Variants in PROS1 observed in about 807,000 individuals in gnomAD.
PROS1 encodes protein S.
Under a neutral mutation model 75.9 loss-of-function variants are expected in PROS1, and 29 were observed. That is an observed-to-expected ratio of 0.38 (90% CI 0.28 to 0.52). The LOEUF (loss-of-function observed/expected upper bound fraction) is 0.52, where lower values mean the gene tolerates loss of function less well. Ranked by LOEUF, PROS1 falls within the 20% of genes least tolerant of loss-of-function variation. The pLI, the probability that PROS1 is intolerant of heterozygous loss-of-function variation, is 0.83. For synonymous variants in PROS1, 245 were observed against 280.6 expected, an observed-to-expected ratio of 0.87 and a Z score of 1.27; for missense variants, 680 against 810.3, an observed-to-expected ratio of 0.84 and a Z score of 1.95.
chr3:93,886,425 G>A lies in PROS1; in HGVS notation c.1234C>T (p.Pro412Ser), dbSNP rs1347649942. ...AATCCATTTTCCGGCTTAAAAAGGG[G>A]TCCAGGTTTATTTATATCCATCACA... is the stretch of plus-strand genomic sequence containing the variant. ...EAVMDINKPGPLFKPENGLLE... is the reference protein window; with the variant it reads ...EAVMDINKPGSLFKPENGLLE... Residue 412 changes from proline (P) to serine (S), a missense_variant, in exon 11 of 15, where the codon CCC (proline) becomes TCC (serine). By Grantham distance (74) the Pro-to-Ser change is moderately conservative. Transcript: ENST00000394236. 6.2e-7 allele frequency: 1 copy of A among 1,613,312 alleles called. No homozygotes were observed. The highest frequency in any genetic ancestry group is 8.5e-7 in the Non-Finnish European group (1 of 1,179,530).
intron 1 of PROS1, among the ~76,000 whole-genome samples, chr3:93,938,239 G>A (rs1709219857): frequency 6.6e-6 from 1 of 152,042 alleles, no homozygotes; most frequent in Admixed American, 6.6e-5. Flanking sequence ...TGAGCACCTT[G>A]TAACCCCCGC....
At chr3:93,968,246 A>C (rs1306664301) in intron 1 of PROS1, among the ~76,000 whole-genome samples, 4 of 152,190 alleles carry the variant, frequency 2.6e-5, no homozygotes, top group Non-Finnish European at 5.9e-5. Context: ...GGTAGGCCTT[A>C]ATCCAGTGAG....
intron 1 of PROS1, among the ~76,000 whole-genome samples, chr3:93,945,474 G>A (rs1038147202): frequency 6.6e-6 from 1 of 152,144 alleles, no homozygotes; most frequent in South Asian, 2.1e-4. Context: ...ATCAAGTGGG[G>A]TTCATCCCTG....
intron 1 of PROS1, among the ~76,000 whole-genome samples, chr3:93,945,412 T>C (rs758358888): frequency 6.6e-6 from 1 of 152,126 alleles, no homozygotes; most frequent in African/African-American, 2.4e-5. Flanking sequence ...AAATCCTCAA[T>C]AAAATACTGG....
At chr3:93,931,547 T>TA (rs925378089) in intron 1 of PROS1, among the ~76,000 whole-genome samples, 1 of 152,134 alleles carries the variant, frequency 6.6e-6, no homozygotes. Context: ...CATCTCTAAA[T>TA]AAAAAAATAA....
At chr3:93,910,436 T>C (rs1245567869) in intron 4 of PROS1, among the ~76,000 whole-genome samples, 183 bp downstream of exon 4, 1 of 152,214 alleles carries the variant, frequency 6.6e-6, no homozygotes, top group Non-Finnish European at 1.5e-5. Flanking sequence ...TTTTGAGTAA[T>C]ACAGGAGCAT....
intron 3 of PROS1, chr3:93,910,921 G>A (rs1708750835): frequency 3.7e-6 from 2 of 535,312 alleles, no homozygotes; most frequent in Admixed American, 3.4e-5. Flanking sequence ...TAAAAAATAA[G>A]TCTGTGACAG....
intron 1 of PROS1, among the ~76,000 whole-genome samples, chr3:93,940,171 C>A (rs770768612): frequency 2.0e-5 from 3 of 152,106 alleles, no homozygotes; most frequent in Admixed American, 6.6e-5. Flanking sequence ...CACTGGAAAT[C>A]GGACAGTCCA....
chr3:93,965,153 T>G (rs541401582), intron 1 of PROS1, among the ~76,000 whole-genome samples: 2 of 152,298 alleles, frequency 1.3e-5, no homozygotes, highest in Non-Finnish European at 2.9e-5. Context: ...GGCAACCCCC[T>G]TTGGGTCCCC....
At chr3:93,882,147 C>A (rs756321110) in intron 12 of PROS1, among the ~76,000 whole-genome samples, 16 of 152,012 alleles carry the variant, frequency 1.1e-4, no homozygotes, top group Non-Finnish European at 2.1e-4. Flanking sequence ...AAAACTAAAG[C>A]ATACACTTTC....
intron 1 of PROS1, among the ~76,000 whole-genome samples, chr3:93,941,074 C>A (rs1709279882): frequency 6.6e-6 from 1 of 152,158 alleles, no homozygotes; most frequent in Admixed American, 6.5e-5. Flanking sequence ...TTTACCCTGA[C>A]ACCCATCAGT....
rs1173041450 is a variant in PROS1, at chr3:93,886,345, G to A, written c.1314C>T (p.Leu438=). 6.2e-7 allele frequency: 1 copy of A among 1,613,310 alleles called. No individual in the cohort carries two copies. The highest frequency in any genetic ancestry group is 1.7e-5 in the Admixed American group (1 of 59,976). ...AAGCTTGGATCATTACCGGTTTAATGAGTTCACTTTCCACTTTCCGAGGGA... is the reference window on the plus strand; with the variant it reads ...AAGCTTGGATCATTACCGGTTTAATAAGTTCACTTTCCACTTTCCGAGGGA... The part of the protein sequence containing the change: ...AGFPRKVESE[L]IKPINPRLDG... The change falls in exon 11 of 15, where the codon CTC becomes CTT. Residue 438 remains leucine, a synonymous_variant. Coordinates refer to ENST00000394236, the MANE Select transcript of PROS1 (RefSeq NM_000313.4).
intron 1 of PROS1, among the ~76,000 whole-genome samples, chr3:93,971,670 C>T (rs1225186418): frequency 6.7e-6 from 1 of 149,926 alleles, no homozygotes; most frequent in Admixed American, 6.7e-5. Flanking sequence ...CACACACACA[C>T]ATAAATTAGC....
At chr3:93,962,753 C>T in intron 1 of PROS1, among the ~76,000 whole-genome samples, 1 of 152,290 alleles carries the variant, frequency 6.6e-6, no homozygotes, top group Middle Eastern at 3.4e-3. Context: ...GCAGTGGACT[C>T]TCAGTGGACT....
At chr3:93,876,185 GGAT>G (rs1425530732) in intron 14 of PROS1, among the ~76,000 whole-genome samples, 14 of 152,026 alleles carry the variant, frequency 9.2e-5, no homozygotes, top group African/African-American at 3.4e-4. Context: ...TGTAAAATGG[GGAT>G]AATAATAGCA....
At chr3:93,952,099 A>T (rs1709508577) in intron 1 of PROS1, among the ~76,000 whole-genome samples, 1 of 152,220 alleles carries the variant, frequency 6.6e-6, no homozygotes, top group Admixed American at 6.5e-5. Flanking sequence ...TTAGAGACCT[A>T]GAAAGAGACT....
intron 1 of PROS1, among the ~76,000 whole-genome samples, chr3:93,927,946 T>TATACAC (rs1709049271): frequency 7.1e-6 from 1 of 140,716 alleles, no homozygotes; most frequent in South Asian, 2.2e-4. Context: ...TATGTATATA[T>TATACAC]ATATACTTGT....
At chr3:93,933,480 C>T (rs912466948) in intron 1 of PROS1, among the ~76,000 whole-genome samples, 3 of 151,612 alleles carry the variant, frequency 2.0e-5, no homozygotes, top group Admixed American at 6.6e-5. Context: ...GAGGCTGAGG[C>T]TGAAGGATCG....
At chr3:93,971,085 T>C (rs1361344306) in intron 1 of PROS1, among the ~76,000 whole-genome samples, 3 of 152,084 alleles carry the variant, frequency 2.0e-5, no homozygotes, top group African/African-American at 7.2e-5. Context: ...CTCACTCCTG[T>C]AATCCCAGCA....
Sources: gnomAD v4.1 joint callset for allele counts (sites outside exome capture counted in the v4.1 genomes callset) on GRCh38, gnomAD v4.1.1 for gene constraint, MANE v1.5 for transcripts, NCBI Gene and HGNC (gene_info 2026-07-23, HGNC 2026-07-21) for gene names.